Variants in SYTL5 observed in about 807,000 individuals in gnomAD.
The protein encoded by SYTL5 is synaptotagmin-like protein 5.
A neutral mutation model predicts 55.9 loss-of-function variants in SYTL5; 34 were observed. That is an observed-to-expected ratio of 0.61 (90% CI 0.46 to 0.81). The LOEUF is 0.81. Among genes scored for constraint, SYTL5 ranks in the 30% least tolerant of loss-of-function variants. The pLI, the probability that SYTL5 is intolerant of heterozygous loss-of-function variation, is 0.00. For synonymous variants in SYTL5, 221 were observed against 188.7 expected (o/e 1.17, Z -1.40); for missense variants, 637 against 546.7 (o/e 1.17, Z -1.65).
chrX:38,120,688 C>A (rs186744393), intron 14 of SYTL5, among the ~76,000 whole-genome samples: 1 of 110,504 alleles, frequency 9.0e-6, no homozygotes, highest in East Asian at 2.9e-4. Flanking sequence ...TACTTAGAAA[C>A]CAGCCTTGGT....
Position 38,102,366 on chromosome X carries a change from A to G in SYTL5, c.1087A>G (p.Ser363Gly). The G allele has an allele frequency of 8.3e-7, 1 of 1,207,967 alleles. No individual in the cohort carries two copies. Among genetic ancestry groups the G allele is most frequent in the Non-Finnish European group, 1.1e-6 (1 of 892,275 alleles). Residue 363 changes from serine (S) to glycine (G), a missense_variant, in exon 10 of 17, where the codon AGC becomes GGC. By Grantham distance (56) the Ser-to-Gly change is moderately conservative. Coordinates refer to ENST00000297875, the MANE Select transcript of SYTL5 (RefSeq NM_138780.3). Reference protein sequence around the residue: ...DKDSLEETEESIDALVSSQLS... With the variant: ...DKDSLEETEEGIDALVSSQLS... ...GGACTCCTTGGAAGAGACTGAAGAA[A>G]GCATTGATGCCTTAGTGTCCTCGCA...
At chrX:37,958,913 T>C in the SYTL5 span, among the ~76,000 whole-genome samples, 1 of 112,339 alleles carries the variant, frequency 8.9e-6, no homozygotes, top group Non-Finnish European at 1.9e-5. Flanking sequence ...GAATGATCTT[T>C]CACTCCATGT....
intron 9 of SYTL5, among the ~76,000 whole-genome samples, chrX:38,102,071 G>A (rs1243859132): frequency 6.4e-5 from 7 of 109,973 alleles, no homozygotes; most frequent in Non-Finnish European, 1.3e-4. Flanking sequence ...TTGAACCCAG[G>A]TCTGTATGAT....
the SYTL5 span, among the ~76,000 whole-genome samples, chrX:37,944,650 G>A: frequency 8.9e-6 from 1 of 111,914 alleles, no homozygotes; most frequent in East Asian, 2.8e-4. Context: ...CACCTCCAGA[G>A]ACAATCCTTA....
the SYTL5 span, chrX:37,906,336 G>C: frequency 8.9e-6 from 1 of 111,838 alleles, no homozygotes; most frequent in Non-Finnish European, 1.9e-5. Flanking sequence ...CAAAACTCTG[G>C]GGCCATATTC....
chrX:37,898,049 G>A, the SYTL5 span, among the ~76,000 whole-genome samples: 7 of 111,405 alleles, frequency 6.3e-5, no homozygotes, highest in East Asian at 2.0e-3. Context: ...AGTGAGCCAA[G>A]ATCACGCGCC....
At chrX:38,020,227 C>T (rs1289406151) in intron 1 of SYTL5, among the ~76,000 whole-genome samples, 1 of 108,955 alleles carries the variant, frequency 9.2e-6, no homozygotes, top group Non-Finnish European at 1.9e-5. Context: ...ATATTTTTGA[C>T]AGAAATGCCA....
At chrX:38,093,146 T>C (rs1936841611) in intron 7 of SYTL5, among the ~76,000 whole-genome samples, 2 of 112,113 alleles carry the variant, frequency 1.8e-5, no homozygotes, top group African/African-American at 6.5e-5. Flanking sequence ...AGTTAGGAGC[T>C]ATATACCTCC....
chrX:37,924,689 T>C, the SYTL5 span, among the ~76,000 whole-genome samples: 3 of 111,278 alleles, frequency 2.7e-5, no homozygotes, highest in Non-Finnish European at 5.7e-5. Flanking sequence ...ATATCTGAAA[T>C]ATTACATATT....
chrX:38,004,858 T>C (rs1933951722), upstream of SYTL5, among the ~76,000 whole-genome samples: 1 of 110,401 alleles, frequency 9.1e-6, no homozygotes, highest in South Asian at 3.8e-4. Context: ...TAGTATTTCT[T>C]AGTACAACAG....
chrX:38,110,448 A>G lies in SYTL5; in HGVS notation c.1562A>G (p.Asn521Ser), dbSNP rs1937333205. Residue 521 changes from asparagine to serine, a missense_variant, in exon 13 of 17, where the codon AAT becomes AGT. Asn to Ser is a conservative substitution (Grantham distance 46). Transcript: ENST00000297875. ...EIPFDSWNFE[N>S]PTDEWFVLQP... The stretch of plus-strand genomic sequence containing the variant: ...CCTTTTGACTCATGGAACTTTGAAA[A>G]TCCAACTGATGAGTGGTTTGTGCTT... 8.3e-7 allele frequency: 1 copy of G among 1,205,279 alleles called. No individual in the cohort carries two copies. Among genetic ancestry groups the G allele is most frequent in the African/African-American group, 1.8e-5 (1 of 56,907 alleles).
intron 10 of SYTL5, among the ~76,000 whole-genome samples, chrX:38,104,596 C>A (rs114994564): frequency 0.01 from 1,149 of 111,904 alleles, 15 homozygotes; most frequent in African/African-American, 0.035. Context: ...TCACCCACAT[C>A]CTGTTCTTTG....
intron 3 of SYTL5, among the ~76,000 whole-genome samples, chrX:38,065,964 A>G (rs1331014098): frequency 4.5e-5 from 5 of 110,310 alleles, no homozygotes; most frequent in Non-Finnish European, 7.6e-5. Flanking sequence ...GCCGGGTGTG[A>G]TGGGGCATGC....
the SYTL5 span, among the ~76,000 whole-genome samples, chrX:37,968,610 C>T: frequency 9.0e-6 from 1 of 111,708 alleles, no homozygotes; most frequent in East Asian, 2.8e-4. Context: ...TAAATCTAGT[C>T]CAACATGGCT....
chrX:38,050,903 T>C (rs1935605845), intron 2 of SYTL5, among the ~76,000 whole-genome samples: 1 of 112,383 alleles, frequency 8.9e-6, no homozygotes, highest in South Asian at 3.7e-4. Context: ...TTTAAAGCTT[T>C]TAGCTGGGAT....
intron 6 of SYTL5, among the ~76,000 whole-genome samples, chrX:38,087,723 T>C (rs1936691166): frequency 1.8e-5 from 2 of 111,905 alleles, no homozygotes; most frequent in South Asian, 7.5e-4. Context: ...TTCTGTTTGA[T>C]AGTTCATTCT....
At chrX:38,044,401 A>T (rs1360081729) in intron 2 of SYTL5, among the ~76,000 whole-genome samples, 1 of 112,159 alleles carries the variant, frequency 8.9e-6, no homozygotes. Context: ...AAAATAATTT[A>T]GTTTGCACAA....
chrX:38,080,230 T>A (rs1035222403), intron 6 of SYTL5, among the ~76,000 whole-genome samples: 17 of 111,634 alleles, frequency 1.5e-4, no homozygotes, highest in Non-Finnish European at 2.8e-4. Flanking sequence ...CAATGTTATC[T>A]TTAAAAACAG....
the SYTL5 span, among the ~76,000 whole-genome samples, chrX:37,961,045 A>G: frequency 4.6e-5 from 5 of 109,659 alleles, no homozygotes; most frequent in Non-Finnish European, 9.5e-5. Context: ...CGGCCTCCCA[A>G]AGTGCTGGGA....
Sources: allele counts gnomAD v4.1 joint callset (sites outside exome capture counted in the v4.1 genomes callset), GRCh38; gene constraint gnomAD v4.1.1; transcripts MANE v1.5; gene names NCBI Gene and HGNC (gene_info 2026-07-23, HGNC 2026-07-21).